Variants in OSCP1 observed in about 807,000 individuals in gnomAD.
The protein encoded by OSCP1 is organic solute carrier partner 1.
A neutral mutation model predicts 45.1 loss-of-function variants in OSCP1; 35 were observed. The observed-to-expected ratio is 0.78, with a 90% CI of 0.59 to 1.03. OSCP1 has a LOEUF of 1.03. OSCP1 is among the 50% of genes least tolerant of loss of function. The pLI is 0.00. For missense variants in OSCP1, 400 were observed against 470.7 expected, an observed-to-expected ratio of 0.85 and a Z score of 1.39; for synonymous variants, 179 against 180.1, an observed-to-expected ratio of 0.99 and a Z score of 0.05.
chr1:36,448,316 T>G (rs1483665447), intron 1 of OSCP1, among the ~76,000 whole-genome samples: 1 of 152,108 alleles, frequency 6.6e-6, no homozygotes, highest in Non-Finnish European at 1.5e-5. Flanking sequence ...ACCTCATTGG[T>G]GCCACTAGCC....
chr1:36,434,497 C>T (rs1648581227), intron 2 of OSCP1, among the ~76,000 whole-genome samples: 1 of 152,134 alleles, frequency 6.6e-6, no homozygotes. Context: ...CGCCTGTTAT[C>T]CCAGCACTTT....
intron 5 of OSCP1, among the ~76,000 whole-genome samples, chr1:36,423,142 A>G (rs192902166): frequency 1.7e-3 from 264 of 152,314 alleles, no homozygotes; most frequent in African/African-American, 5.9e-3. Flanking sequence ...CATTTAACAG[A>G]TGAGGAAATT....
At chr1:36,445,557 C>T (rs1015121013) in intron 1 of OSCP1, among the ~76,000 whole-genome samples, 2 of 152,184 alleles carry the variant, frequency 1.3e-5, no homozygotes, top group Admixed American at 6.5e-5. Flanking sequence ...GTTTCCATTG[C>T]AAGATCACAC....
intron 4 of OSCP1, among the ~76,000 whole-genome samples, chr1:36,430,815 C>T (rs895366001): frequency 9.2e-5 from 14 of 152,108 alleles, no homozygotes; most frequent in African/African-American, 1.7e-4. Context: ...CCACCATGCC[C>T]GGCTCACTTT....
chr1:36,418,202 C>T lies in OSCP1; in HGVS notation c.1077G>A (p.Thr359=), dbSNP rs753771272. ...LARIMGEFEI[T]EQPRLSTSKG... ...TGCTGGTGCTCAGCCTTGGCTGCTC[C>T]GTGATCTCAAACTCCCCCATGATTC... Residue 359 remains threonine, a synonymous_variant, in exon 10 of 10, where the codon ACG becomes ACA. Transcript: ENST00000235532. 17 of 1,614,068 alleles carry T rather than the reference C, an allele frequency of 1.1e-5. No homozygotes were observed. The highest frequency in any genetic ancestry group is 1.7e-5 in the Admixed American group (1 of 60,002).
intron 4 of OSCP1, chr1:36,428,620 T>A: frequency 9.9e-7 from 1 of 1,008,960 alleles, no homozygotes; most frequent in Non-Finnish European, 1.3e-6. Flanking sequence ...GAGCTAGTCC[T>A]ATAGTTGGGA....
intron 2 of OSCP1, among the ~76,000 whole-genome samples, chr1:36,433,182 A>G (rs1183368788): frequency 6.6e-6 from 1 of 152,240 alleles, no homozygotes; most frequent in East Asian, 1.9e-4. Flanking sequence ...TGGTATGACC[A>G]TACATGAAAG....
At chr1:36,427,299 C>CTTTTATTTTTT (rs1648033344) in intron 4 of OSCP1, among the ~76,000 whole-genome samples, 1 of 96,328 alleles carries the variant, frequency 1.0e-5, no homozygotes, top group East Asian at 2.9e-4. Context: ...GGCGCCTGGC[C>CTTTTATTTTTT]TTTTTTTTTT....
chr1:36,418,112 G>C lies in OSCP1; in HGVS notation c.*27C>G, dbSNP rs1260878513. On this transcript the variant is annotated 3_prime_UTR_variant, in exon 10 of 10. Coordinates refer to ENST00000235532, the MANE Select transcript of OSCP1 (RefSeq NM_145047.5). ...GTCACCATCCAGCAGCCTCTCCCTG[G>C]GGGCAGAGGACGCCTGGTCAGAACA... 2.5e-6 allele frequency: 4 copies of C among 1,592,614 alleles called. No homozygotes were observed. Among genetic ancestry groups the C allele is most frequent in the Non-Finnish European group, 3.4e-6 (4 of 1,161,154 alleles).
intron 2 of OSCP1, among the ~76,000 whole-genome samples, chr1:36,434,026 G>C (rs141588358): frequency 6.6e-6 from 1 of 152,274 alleles, no homozygotes; most frequent in East Asian, 1.9e-4. Flanking sequence ...GGGGGATGAT[G>C]ATCAGGGTTG....
intron 8 of OSCP1, 143 bp downstream of exon 8, chr1:36,420,333 T>C (rs1647542644): frequency 1.6e-5 from 17 of 1,063,724 alleles, no homozygotes; most frequent in Non-Finnish European, 2.3e-5. Context: ...TGGTGGGCTA[T>C]TTAGATTATT....
At chr1:36,439,881 C>T (rs1649016481) in intron 1 of OSCP1, among the ~76,000 whole-genome samples, 1 of 152,180 alleles carries the variant, frequency 6.6e-6, no homozygotes, top group South Asian at 2.1e-4. Flanking sequence ...TTTTGCACTA[C>T]TGAAATGAAA....
At chr1:36,418,433 T>A (rs1023115047) in intron 9 of OSCP1, 178 bp from the exon 10 acceptor site, 9 of 614,286 alleles carry the variant, frequency 1.5e-5, no homozygotes, top group East Asian at 8.1e-5. Flanking sequence ...GTCTATATAT[T>A]TTTTTTCTTA....
At position 36,429,535 on chromosome 1, in the gene OSCP1, A is replaced by ATTTTTTTTTTTTTTTTTTTTTTTT. The variant is rs200043573; in HGVS notation, c.516+2243_516+2266dup. Reference sequence around the variant, plus strand: ...CACATTCAAAATTCAGAAGCTTAGAATTTTTTTTTTTTTTTTTTTTTTTTT... The same window carrying ATTTTTTTTTTTTTTTTTTTTTTTT: ...CACATTCAAAATTCAGAAGCTTAGAATTTTTTTTTTTTTTTTTTTTTTTTTTTTTTTTTTTTTTTTTTTTTTTTT... On this transcript the variant is annotated intron_variant, in intron 4 of 9. Transcript: ENST00000235532. Among the ~76,000 whole-genome samples the ATTTTTTTTTTTTTTTTTTTTTTTT allele has an allele frequency of 2.2e-4, 22 of 100,322 alleles. 3 individuals carry two copies. Among genetic ancestry groups the ATTTTTTTTTTTTTTTTTTTTTTTT allele is most frequent in the African/African-American group, 8.4e-4 (20 of 23,908 alleles). 65.8% of individuals were successfully genotyped at this position (100,322 alleles called of 152,430 possible).
intron 1 of OSCP1, chr1:36,444,018 A>G: frequency 2.5e-6 from 4 of 1,613,756 alleles, no homozygotes; most frequent in Non-Finnish European, 3.4e-6. Flanking sequence ...TTTTCTGTCC[A>G]CCTCTGTCCA....
chr1:36,429,664 G>A (rs34122084), intron 4 of OSCP1, among the ~76,000 whole-genome samples: 18 of 150,032 alleles, frequency 1.2e-4, no homozygotes, highest in Middle Eastern at 3.2e-3. Flanking sequence ...ATAGGCATGC[G>A]CCACCATGCC....
chr1:36,444,583 T>C (rs1649390327), intron 1 of OSCP1, among the ~76,000 whole-genome samples: 1 of 152,220 alleles, frequency 6.6e-6, no homozygotes, highest in Non-Finnish European at 1.5e-5. Flanking sequence ...GTTTCTGTTT[T>C]ACTTTTTATA....
rs1298320762 is a variant in OSCP1, at chr1:36,432,411, G to A, written c.435+11C>T. The A allele has an allele frequency of 2.5e-6, 4 of 1,613,276 alleles. No homozygotes were observed. The Admixed American group carries it at 6.7e-5, about 27-fold the overall frequency. On this transcript the variant is annotated intron_variant, in intron 3 of 9. Coordinates refer to ENST00000235532, the MANE Select transcript of OSCP1 (RefSeq NM_145047.5). ...TGGGGCTGAGAGGCGAGACACTGAT[G>A]GCACTCTTACTTCTGTCAGCTGCCG...
intron 1 of OSCP1, chr1:36,441,003 A>G (rs1649103793): frequency 6.6e-6 from 1 of 152,242 alleles, no homozygotes; most frequent in Non-Finnish European, 1.5e-5. Context: ...TCTGGACGAA[A>G]GAATACCCCA....
Sources: allele counts gnomAD v4.1 joint callset (sites outside exome capture counted in the v4.1 genomes callset), GRCh38; gene constraint gnomAD v4.1.1; transcripts MANE v1.5; gene names NCBI Gene and HGNC (gene_info 2026-07-23, HGNC 2026-07-21).